ZNF718: variants seen among roughly 807,000 people sequenced by gnomAD.
The protein encoded by ZNF718 is zinc finger protein 718.
ZNF718 carries 3 observed loss-of-function variants against 2.6 expected under a neutral mutation model. That is an observed-to-expected ratio of 1.16 (90% CI 0.53 to 3.01). The LOEUF is 3.01. Among genes scored for constraint, ZNF718 ranks in the 30% most tolerant of loss-of-function variants. ZNF718 has a pLI of 0.03. For synonymous variants in ZNF718, 135 were observed against 77.9 expected (o/e 1.73, Z -3.86); for missense variants, 468 against 230.0 (o/e 2.03, Z -6.69).
At chr4:133,655 A>G (rs1240087871) in intron 3 of ZNF718, among the ~76,000 whole-genome samples, 3 of 152,168 alleles carry the variant, frequency 2.0e-5, no homozygotes, top group Non-Finnish European at 2.9e-5. Flanking sequence ...AAGTAAACTA[A>G]TTTTTACCAG....
At chr4:199,129 T>A (rs782306183) in intron 3 of ZNF718, among the ~76,000 whole-genome samples, 7 of 152,222 alleles carry the variant, frequency 4.6e-5, no homozygotes, top group Non-Finnish European at 8.8e-5. Flanking sequence ...CTGGCTCCTC[T>A]ACTCTGGGGC....
At chr4:181,158 CTTTTTTTTTT>C (rs782164295) in intron 3 of ZNF718, among the ~76,000 whole-genome samples, 63 of 51,084 alleles carry the variant, frequency 1.2e-3, no homozygotes, top group African/African-American at 3.7e-3. Context: ...CAGTGCCCAG[CTTTTTTTTTT>C]TTTTTTTTTT....
Position 161,367 on chromosome 4 carries a change from A to G in ZNF718, c.682A>G (p.Lys228Glu), listed in dbSNP as rs1553815069. Residue 228 changes from lysine to glutamate, a missense_variant, in exon 4 of 4, where the codon AAG becomes GAG. Transcript: ENST00000510175. Reference protein sequence around the residue: ...KRIHAREKFYKCEECGKGFTR... With the variant: ...KRIHAREKFYECEECGKGFTR... Reference sequence around the variant, plus strand: ...AATTCATGCCAGAGAGAAATTCTACAAGTGTGAAGAATGTGGTAAAGGCTT... The same window carrying G: ...AATTCATGCCAGAGAGAAATTCTACGAGTGTGAAGAATGTGGTAAAGGCTT... 1 of 778,736 alleles carries G rather than the reference A, an allele frequency of 1.3e-6. No homozygotes were observed. The highest frequency in any genetic ancestry group is 2.4e-6 in the Non-Finnish European group (1 of 417,218). 48.2% of individuals were successfully genotyped at this position (778,736 alleles called of 1,614,324 possible). A position where few individuals can be genotyped will look rare whatever the true frequency, so the allele number is the denominator to read the frequency against.
chr4:138,352 AG>A (rs1383083658), intron 3 of ZNF718, among the ~76,000 whole-genome samples: 6 of 152,168 alleles, frequency 3.9e-5, no homozygotes, highest in African/African-American at 1.2e-4. Context: ...GTTTAATTTT[AG>A]CTCCAGCAAA....
chr4:184,580 A>G (rs893520118), intron 3 of ZNF718, among the ~76,000 whole-genome samples: 1 of 152,156 alleles, frequency 6.6e-6, no homozygotes, highest in Admixed American at 6.5e-5. Flanking sequence ...TAGTTTCAGT[A>G]AGAACGCTAC....
At chr4:136,667 A>C (rs1715586332) in intron 3 of ZNF718, among the ~76,000 whole-genome samples, 1 of 152,236 alleles carries the variant, frequency 6.6e-6, no homozygotes, top group Non-Finnish European at 1.5e-5. Context: ...TTACTACTTA[A>C]GATATCTTAC....
At chr4:151,970 A>G (rs1361537169) in intron 3 of ZNF718, among the ~76,000 whole-genome samples, 11 of 149,664 alleles carry the variant, frequency 7.3e-5, no homozygotes, top group African/African-American at 4.9e-5. Context: ...TCACAAGACA[A>G]TTGTGGGGAG....
intron 3 of ZNF718, among the ~76,000 whole-genome samples, chr4:199,943 A>G (rs1717865755): frequency 1.3e-5 from 2 of 152,230 alleles, no homozygotes; most frequent in African/African-American, 4.8e-5. Flanking sequence ...AATAAAACAC[A>G]AGTCAAAGAC....
intron 3 of ZNF718, among the ~76,000 whole-genome samples, chr4:198,656 C>A (rs567652995): frequency 6.6e-6 from 1 of 152,156 alleles, no homozygotes; most frequent in Non-Finnish European, 1.5e-5. Context: ...GGACAGGTGG[C>A]CATATTATTA....
At chr4:167,945 G>A (rs556871889), downstream of ZNF718, among the ~76,000 whole-genome samples, 131 of 152,230 alleles carry the variant, frequency 8.6e-4, no homozygotes, top group Non-Finnish European at 1.3e-3. Flanking sequence ...CAAAGGGAAT[G>A]CTTCCCTTTT....
chr4:167,083 C>T (rs1449937667), downstream of ZNF718, among the ~76,000 whole-genome samples: 2 of 152,106 alleles, frequency 1.3e-5, no homozygotes. Context: ...AGCCAGTTTT[C>T]CCAGCACCAT....
chr4:138,460 T>C (rs1553809750), intron 3 of ZNF718, among the ~76,000 whole-genome samples: 1 of 152,164 alleles, frequency 6.6e-6, no homozygotes, highest in African/African-American at 2.4e-5. Flanking sequence ...GATGATGGGA[T>C]CTTGTTCTTT....
chr4:193,179 T>C (rs1165751143), intron 3 of ZNF718, among the ~76,000 whole-genome samples: 1 of 152,182 alleles, frequency 6.6e-6, no homozygotes, highest in Non-Finnish European at 1.5e-5. Context: ...TAAGTATTTC[T>C]AATGGAGGGT....
intron 3 of ZNF718, among the ~76,000 whole-genome samples, chr4:190,376 G>C (rs1356723024): frequency 6.7e-6 from 1 of 150,088 alleles, no homozygotes; most frequent in Admixed American, 6.7e-5. Context: ...CTTGCAGTGA[G>C]CTGAGATCAT....
Position 127,788 on chromosome 4 carries a change from T to C in ZNF718, c.4-3000T>C, listed in dbSNP as rs1176838624. 2.9e-5 allele frequency among the ~76,000 whole-genome samples: 3 copies of C among 104,854 alleles called. 1 individual carries two copies. Among genetic ancestry groups the C allele is most frequent in the African/African-American group, 9.9e-5 (3 of 30,240 alleles). The allele number at this position is 104,854 out of a possible 152,430, so 68.8% of individuals were successfully genotyped here. A position where few individuals can be genotyped will look rare whatever the true frequency, so the allele number is the denominator to read the frequency against. ...AACCTAATAATGCCACACTGGACAC[T>C]ATAATCCACACCCAATAGCTTAACA... is the stretch of plus-strand genomic sequence containing the variant. On this transcript the variant is annotated intron_variant, in intron 1 of 3. Coordinates refer to ENST00000510175, the MANE Select transcript of ZNF718 (RefSeq NM_001039127.6).
chr4:188,031 G>T (rs956925531), intron 3 of ZNF718, among the ~76,000 whole-genome samples: 1 of 152,132 alleles, frequency 6.6e-6, no homozygotes, highest in Non-Finnish European at 1.5e-5. Flanking sequence ...GCCATGCCTC[G>T]ACAAAACAGC....
intron 3 of ZNF718, among the ~76,000 whole-genome samples, chr4:173,684 A>G (rs1717289929): frequency 6.6e-6 from 1 of 152,204 alleles, no homozygotes. Context: ...CTACTACAAA[A>G]GTAGCTGTAG....
At chr4:193,779 C>T (rs981089897) in intron 3 of ZNF718, among the ~76,000 whole-genome samples, 2 of 152,170 alleles carry the variant, frequency 1.3e-5, no homozygotes, top group Non-Finnish European at 2.9e-5. Context: ...TGGGCTGGCA[C>T]TTGCCCCAGG....
chr4:182,946 G>T (rs1717497392), intron 3 of ZNF718, among the ~76,000 whole-genome samples: 1 of 152,042 alleles, frequency 6.6e-6, no homozygotes, highest in Non-Finnish European at 1.5e-5. Context: ...CTATTTTGTA[G>T]GTTGTCTGTT....
Sources: gnomAD v4.1 joint callset for allele counts (sites outside exome capture counted in the v4.1 genomes callset) on GRCh38, gnomAD v4.1.1 for gene constraint, MANE v1.5 for transcripts, NCBI Gene and HGNC (gene_info 2026-07-23, HGNC 2026-07-21) for gene names.